The following TMCC1 variants were observed in gnomAD, a reference collection of about 807,000 sequenced individuals.
The protein encoded by TMCC1 is transmembrane and coiled-coil domain family 1.
Under a neutral mutation model 52.4 loss-of-function variants are expected in TMCC1, and 15 were observed. The ratio of observed to expected loss-of-function variants is 0.29; its 90% CI spans 0.19 to 0.44. TMCC1 has a LOEUF of 0.44. Ranked by LOEUF, TMCC1 falls within the 20% of genes least tolerant of loss-of-function variation. The pLI is 1.00. For missense variants in TMCC1, 503 were observed against 806.0 expected (o/e 0.62, Z 4.55); for synonymous variants, 279 against 301.9 (o/e 0.92, Z 0.79).
intron 4 of TMCC1, among the ~76,000 whole-genome samples, chr3:129,820,759 T>C (rs1483310883): frequency 6.6e-6 from 1 of 152,166 alleles, no homozygotes; most frequent in African/African-American, 2.4e-5. Flanking sequence ...TTATAGCAAC[T>C]TGGCAGGAAA....
intron 4 of TMCC1, among the ~76,000 whole-genome samples, chr3:129,684,185 G>GT (rs1446461305): frequency 6.6e-6 from 1 of 152,168 alleles, no homozygotes; most frequent in East Asian, 1.9e-4. Context: ...AGAGGTATCT[G>GT]TAACTCCTAA....
chr3:129,681,515 C>T (rs1373412226), intron 4 of TMCC1, among the ~76,000 whole-genome samples: 1 of 151,710 alleles, frequency 6.6e-6, no homozygotes, highest in Non-Finnish European at 1.5e-5. Context: ...ATCTGGTATC[C>T]ATGAGTAAAT....
chr3:129,681,920 A>T (rs71333630), intron 4 of TMCC1, among the ~76,000 whole-genome samples: 8,108 of 150,894 alleles, frequency 0.054, 256 homozygotes, highest in African/African-American at 0.07. Context: ...AAAAAAAAAA[A>T]TTTTTAATTA....
chr3:129,826,741 T>G (rs1360805981), intron 4 of TMCC1, among the ~76,000 whole-genome samples: 1 of 151,278 alleles, frequency 6.6e-6, no homozygotes, highest in Non-Finnish European at 1.5e-5. Context: ...AAGTTTAAGG[T>G]ACTAGACTCA....
At chr3:129,707,729 C>G (rs182544564) in intron 4 of TMCC1, among the ~76,000 whole-genome samples, 14 of 152,082 alleles carry the variant, frequency 9.2e-5, no homozygotes, top group Admixed American at 8.5e-4. Flanking sequence ...GTCAGGAGAT[C>G]GAGACCATCC....
At chr3:129,859,497 C>T (rs1274552742) in intron 2 of TMCC1, among the ~76,000 whole-genome samples, 2 of 151,822 alleles carry the variant, frequency 1.3e-5, no homozygotes, top group Non-Finnish European at 2.9e-5. Context: ...ATTAGGTGGG[C>T]ATGGTGGCAT....
At chr3:129,751,223 TC>T (rs2052484579) in intron 4 of TMCC1, among the ~76,000 whole-genome samples, 1 of 144,626 alleles carries the variant, frequency 6.9e-6, no homozygotes, top group South Asian at 2.2e-4. Context: ...AAACAAAAAT[TC>T]GGGAAAAAAA....
At chr3:129,721,724 A>C (rs945584962) in intron 4 of TMCC1, among the ~76,000 whole-genome samples, 5 of 151,164 alleles carry the variant, frequency 3.3e-5, no homozygotes, top group Admixed American at 1.3e-4. Context: ...AAAAAAAAAA[A>C]AATTAGCTGG....
intron 4 of TMCC1, among the ~76,000 whole-genome samples, chr3:129,719,950 G>T (rs1489452183): frequency 6.6e-6 from 1 of 152,066 alleles, no homozygotes; most frequent in Non-Finnish European, 1.5e-5. Context: ...AGGCCAAAAG[G>T]CAGGAGGATC....
chr3:129,778,963 G>A (rs2055286516), intron 4 of TMCC1, among the ~76,000 whole-genome samples: 3 of 152,014 alleles, frequency 2.0e-5, no homozygotes, highest in Admixed American at 1.3e-4. Context: ...TAACCTAACT[G>A]CACCCTAACA....
chr3:129,748,424 A>C (rs2052185449), intron 4 of TMCC1, among the ~76,000 whole-genome samples: 1 of 152,048 alleles, frequency 6.6e-6, no homozygotes, highest in African/African-American at 2.4e-5. Context: ...AGTAGCGGGG[A>C]TTACAGGCGC....
chr3:129,822,687 A>C (rs1263340943), intron 4 of TMCC1, among the ~76,000 whole-genome samples: 1 of 152,216 alleles, frequency 6.6e-6, no homozygotes, highest in East Asian at 1.9e-4. Flanking sequence ...AACACAAAAC[A>C]AGAGGGAACC....
chr3:129,793,985 G>A (rs1014376813), intron 4 of TMCC1, among the ~76,000 whole-genome samples: 3 of 152,142 alleles, frequency 2.0e-5, no homozygotes, highest in African/African-American at 7.2e-5. Flanking sequence ...TGGTCCACAA[G>A]CTGACAGATT....
chr3:129,888,371 G>A (rs536999047), intron 1 of TMCC1, among the ~76,000 whole-genome samples: 2 of 152,134 alleles, frequency 1.3e-5, no homozygotes, highest in Middle Eastern at 3.4e-3. Context: ...TCCTTCCTCC[G>A]TCCCTTGAGA....
At chr3:129,889,108 C>T (rs1381994685) in intron 1 of TMCC1, among the ~76,000 whole-genome samples, 2 of 152,034 alleles carry the variant, frequency 1.3e-5, no homozygotes, top group Non-Finnish European at 2.9e-5. Flanking sequence ...CCCATCTCTA[C>T]AAAAAGTACA....
chr3:129,707,729 C>T (rs182544564), intron 4 of TMCC1, among the ~76,000 whole-genome samples: 4 of 151,964 alleles, frequency 2.6e-5, no homozygotes, highest in South Asian at 2.1e-4. Context: ...GTCAGGAGAT[C>T]GAGACCATCC....
chr3:129,798,920 A>G (rs1277388651), intron 4 of TMCC1, among the ~76,000 whole-genome samples: 1 of 152,208 alleles, frequency 6.6e-6, no homozygotes, highest in Non-Finnish European at 1.5e-5. Flanking sequence ...CTTAAATGAG[A>G]TTCTTTTGGC....
chr3:129,666,150 A>G (rs2087435283), intron 5 of TMCC1, among the ~76,000 whole-genome samples: 1 of 152,222 alleles, frequency 6.6e-6, no homozygotes, highest in African/African-American at 2.4e-5. Flanking sequence ...CAAAGCCTAC[A>G]ACAGAGTAGA....
At chr3:129,829,927 C>T (rs1035215138) in intron 3 of TMCC1, among the ~76,000 whole-genome samples, 2 of 152,106 alleles carry the variant, frequency 1.3e-5, no homozygotes, top group Non-Finnish European at 2.9e-5. Flanking sequence ...GCTCCACTGT[C>T]CATATTCTTT....
Sources: gnomAD v4.1 joint callset for allele counts (sites outside exome capture counted in the v4.1 genomes callset) on GRCh38, gnomAD v4.1.1 for gene constraint, MANE v1.5 for transcripts, NCBI Gene and HGNC (gene_info 2026-07-23, HGNC 2026-07-21) for gene names.